EZR: variants seen among roughly 807,000 people sequenced by gnomAD.
The protein encoded by EZR is ezrin, also known as cytovillin 2.
A neutral mutation model predicts 74.8 loss-of-function variants in EZR; 40 were observed. That is an observed-to-expected ratio of 0.53 (90% confidence interval 0.42 to 0.70). EZR has a LOEUF of 0.70. Ranked by LOEUF, EZR falls within the 30% of genes least tolerant of loss-of-function variation. EZR has a pLI of 0.00. For missense variants in EZR, 678 were observed against 755.8 expected (o/e 0.90, Z 1.21); for synonymous variants, 341 against 283.3 (o/e 1.20, Z -2.05).
chr6:158,778,553 A>G (rs576485682), intron 7 of EZR, among the ~76,000 whole-genome samples: 1 of 152,362 alleles, frequency 6.6e-6, no homozygotes, highest in South Asian at 2.1e-4. Context: ...CAGGGTCTAC[A>G]GAGAAGGTGG....
At chr6:158,788,641 A>C (rs1425954187) in intron 3 of EZR, among the ~76,000 whole-genome samples, 1 of 133,688 alleles carries the variant, frequency 7.5e-6, no homozygotes, top group African/African-American at 2.7e-5. Flanking sequence ...AGTGAGATTC[A>C]GTCTCAAAGA....
Position 158,766,662 on chromosome 6 carries a change from T to TCCC in EZR, c.*249_*251dup, listed in dbSNP as rs1790869335. ...TTTTCCGTAATTCAATCAGTCCTGCTCCCAGCACAACACAGGAGGTGATTC... is the reference window on the plus strand; with the variant it reads ...TTTTCCGTAATTCAATCAGTCCTGCTCCCCCCAGCACAACACAGGAGGTGATTC... On this transcript the variant is annotated 3_prime_UTR_variant, in exon 14 of 14. Coordinates refer to ENST00000367075, the MANE Select transcript of EZR (RefSeq NM_001111077.2). 1 of 543,970 alleles carries TCCC rather than the reference T, an allele frequency of 1.8e-6. No homozygotes were observed. The highest frequency in any genetic ancestry group is 3.3e-5 in the Admixed American group (1 of 29,906). 33.7% of individuals were successfully genotyped at this position (543,970 alleles called of 1,614,324 possible).
rs1489096868 is a variant in EZR, at chr6:158,783,665, C to G, written c.553G>C (p.Asp185His). The change falls in exon 7 of 14, where the codon GAT becomes CAT. Residue 185 changes from aspartate (D) to histidine (H), a missense_variant and splice_region_variant. Physicochemically the swap from Asp to His is moderately conservative, Grantham distance 81 (BLOSUM62 -1). Around this residue, in one of 3 missense-constraint regions of EZR, gnomAD observed 217 missense variants for 232.2 expected, o/e 0.93. Transcript: ENST00000367075. ...WHAEHRGMLK[D>H]NAMLEYLKIA... is the part of the protein sequence containing the mutation. ...TTCAGGTATTCCAACATAGCATTAT[C>G]TCTAATTGGGGAGAGTGAAACAGGC... 1.2e-6 allele frequency: 2 copies of G among 1,613,424 alleles called. No individual in the cohort carries two copies. Among genetic ancestry groups the G allele is most frequent in the Admixed American group, 1.7e-5 (1 of 59,984 alleles).
chr6:158,776,217 A>G (rs1791274222), intron 8 of EZR, among the ~76,000 whole-genome samples, 191 bp downstream of exon 8: 1 of 152,250 alleles, frequency 6.6e-6, no homozygotes. Context: ...ATAAGGAATG[A>G]GAATCATTTG....
intron 3 of EZR, among the ~76,000 whole-genome samples, chr6:158,787,528 C>A (rs781216570): frequency 1.3e-5 from 2 of 152,158 alleles, no homozygotes; most frequent in African/African-American, 4.8e-5. Context: ...CGGGTTATGG[C>A]CAGCACACAC....
intron 2 of EZR, among the ~76,000 whole-genome samples, chr6:158,814,287 C>G (rs1777506307): frequency 6.6e-6 from 1 of 152,166 alleles, no homozygotes; most frequent in Non-Finnish European, 1.5e-5. Flanking sequence ...CGTGCGCCCC[C>G]CAGCCCTCAA....
At chr6:158,786,169 C>A (rs1193990667) in intron 4 of EZR, among the ~76,000 whole-genome samples, 4 of 152,058 alleles carry the variant, frequency 2.6e-5, no homozygotes, top group Non-Finnish European at 4.4e-5. Flanking sequence ...GTCAGGAGTT[C>A]GAGACTAGCC....
chr6:158,802,409 AT>A (rs1167820248), intron 2 of EZR, among the ~76,000 whole-genome samples: 1 of 107,308 alleles, frequency 9.3e-6, no homozygotes, highest in East Asian at 2.0e-4. Flanking sequence ...AATTTTTATG[AT>A]TTTTTGATGC....
rs547971908 is a variant in EZR at position 158,783,235 on chromosome 6, C to T, written c.698+285G>A. Among the ~76,000 whole-genome samples the T allele has an allele frequency of 7.3e-5, 8 of 109,508 alleles. No homozygotes were observed. In the East Asian group the frequency reaches 1.6e-3, roughly 22 times the overall value. The allele number at this position is 109,508 out of a possible 152,430, so 71.8% of individuals were successfully genotyped here. On this transcript the variant is annotated intron_variant, in intron 7 of 13. Transcript: ENST00000367075. ...TACCTGCAGGCAGCTGGGGTGGAAT[C>T]TCAGAGGCAGCGGGGAGGAGAGGCA...
At position 158,767,401 on chromosome 6, in the gene EZR, G is replaced by A; in HGVS notation, c.1456C>T (p.Gln486Ter). 3 of 1,614,004 alleles carry A rather than the reference G, an allele frequency of 1.9e-6. No individual in the cohort carries two copies. The highest frequency in any genetic ancestry group is 2.5e-6 in the Non-Finnish European group (3 of 1,179,950). ...GCGCCCTCATCCTGCAAGCTCTCCT[G>A]GACATGGTAGCTCACCGGCTCGTAC... ...PVYEPVSYHVQESLQDEGAEP... is the reference protein window; with the variant it reads ...PVYEPVSYHV Residue 486 changes from glutamine to a stop codon, truncating the protein, a stop_gained, in exon 13 of 14, where the codon CAG becomes TAG. Coordinates refer to ENST00000367075, the MANE Select transcript of EZR (RefSeq NM_001111077.2). LOFTEE classifies it high-confidence loss of function.
Position 158,774,219 on chromosome 6 carries a change from C to T in EZR, c.795+2189G>A, listed in dbSNP as rs563617575. Among the ~76,000 whole-genome samples the T allele has an allele frequency of 2.0e-5, 3 of 152,258 alleles. No individual in the cohort carries two copies. In the East Asian group the frequency reaches 5.8e-4, roughly 29 times the overall value. ...TTTACAGACTGAGGTGGGGCAGTGC[C>T]TCGAGCAGCCCTGGGGTGCTGTGGG... On this transcript the variant is annotated intron_variant, in intron 8 of 13. Coordinates refer to ENST00000367075, the MANE Select transcript of EZR (RefSeq NM_001111077.2).
chr6:158,769,842 C>A lies in EZR; in HGVS notation c.1193G>T (p.Arg398Leu), dbSNP rs770241730. ...CTGTCTCTCCAGCTCCTCCTTAGCC[C>A]GCAGTGCAGCCATACGGTCAGCCTC... ...RLEADRMAALRAKEELERQAV... is the reference protein window; with the variant it reads ...RLEADRMAALLAKEELERQAV... The change falls in exon 11 of 14, where the codon CGG (arginine) becomes CTG (leucine). Residue 398 changes from arginine to leucine, a missense_variant. Physicochemically the swap from Arg to Leu is moderately radical, Grantham distance 102. Coordinates refer to ENST00000367075, the MANE Select transcript of EZR (RefSeq NM_001111077.2). 4 of 1,614,010 alleles carry A rather than the reference C, an allele frequency of 2.5e-6. No individual in the cohort carries two copies. The highest frequency in any genetic ancestry group is 3.3e-4 in the Middle Eastern group (2 of 6,062).
intron 1 of EZR, 69 bp from the exon 2 acceptor site, chr6:158,818,235 C>G (rs867141031): frequency 1.2e-6 from 1 of 840,914 alleles, no homozygotes; most frequent in South Asian, 2.0e-5. Flanking sequence ...GCCCGACACT[C>G]GGCGCCCGCA....
At position 158,783,616 on chromosome 6, in the gene EZR, T is replaced by C; in HGVS notation, c.602A>G (p.Tyr201Cys). The C allele has an allele frequency of 6.2e-7, 1 of 1,613,938 alleles. No homozygotes were observed. The highest frequency in any genetic ancestry group is 2.2e-5 in the East Asian group (1 of 44,886). Residue 201 changes from tyrosine (Y) to cysteine (C), a missense_variant, in exon 7 of 14, where the codon TAT (tyrosine) becomes TGT (cysteine). Coordinates refer to ENST00000367075, the MANE Select transcript of EZR (RefSeq NM_001111077.2). Reference protein sequence around the residue: ...YLKIAQDLEMYGINYFEIKNK... With the variant: ...YLKIAQDLEMCGINYFEIKNK... ...TTTTATCTCGAAATAGTTGATTCCA[T>C]ACATTTCCAGGTCCTGAGCAATCTT... is the stretch of plus-strand genomic sequence containing the variant.
At chr6:158,802,777 G>T (rs967184996) in intron 2 of EZR, among the ~76,000 whole-genome samples, 1 of 152,146 alleles carries the variant, frequency 6.6e-6, no homozygotes, top group Non-Finnish European at 1.5e-5. Flanking sequence ...TAATCCACCC[G>T]CCTTGGCCTC....
At chr6:158,812,799 C>T (rs1313422276) in intron 2 of EZR, among the ~76,000 whole-genome samples, 1 of 152,154 alleles carries the variant, frequency 6.6e-6, no homozygotes, top group African/African-American at 2.4e-5. Context: ...CACCACACAT[C>T]CACTTGCGCA....
At chr6:158,814,004 T>C (rs1330994946) in intron 2 of EZR, among the ~76,000 whole-genome samples, 1 of 152,116 alleles carries the variant, frequency 6.6e-6, no homozygotes, top group Non-Finnish European at 1.5e-5. Flanking sequence ...GCAGTCACCC[T>C]AACATGAAGG....
At chr6:158,784,595 T>A (rs775467165) in intron 6 of EZR, 49 bp downstream of exon 6, 1 of 1,506,972 alleles carries the variant, frequency 6.6e-7, no homozygotes, top group South Asian at 1.1e-5. Context: ...AAAGACATGC[T>A]GGAGCGCACG....
At chr6:158,810,643 C>T (rs1777434431) in intron 2 of EZR, among the ~76,000 whole-genome samples, 1 of 152,130 alleles carries the variant, frequency 6.6e-6, no homozygotes, top group Admixed American at 6.5e-5. Context: ...AAATCAGAGT[C>T]CTCCCTTTTA....
Sources: allele counts gnomAD v4.1 joint callset (sites outside exome capture counted in the v4.1 genomes callset), GRCh38; gene constraint gnomAD v4.1.1; regional missense constraint gnomAD v4.1.1; transcripts MANE v1.5; gene names NCBI Gene and HGNC (gene_info 2026-07-23, HGNC 2026-07-21).